Variants in DPYD observed in about 807,000 individuals in gnomAD.
DPYD encodes the protein dihydropyrimidine dehydrogenase, also known as dihydropyrimidine dehydrogenase [NADP(+)].
A neutral mutation model predicts 116.2 loss-of-function variants in DPYD; 109 were observed. That is an observed-to-expected ratio of 0.94 (90% CI 0.80 to 1.10). The LOEUF is 1.10. DPYD is among the 50% of genes least tolerant of loss of function. The pLI is 0.00. For synonymous variants in DPYD, 440 were observed against 432.0 expected (o/e 1.02, Z -0.23); for missense variants, 1,302 against 1,254.5 (o/e 1.04, Z -0.57).
chr1:97,463,751 C>T lies in DPYD; in HGVS notation c.1741-13528G>A, dbSNP rs184439523. Among the ~76,000 whole-genome samples the T allele has an allele frequency of 2.7e-3, 404 of 152,234 alleles. 2 individuals carry two copies. The highest frequency in any genetic ancestry group is 4.8e-3 in the South Asian group (23 of 4,822). On this transcript the variant is annotated intron_variant, in intron 13 of 22. Transcript: ENST00000370192. ...TTGTTGGGAACTACAGGAAAGGTGA[C>T]TTTTGTTGTTTTAGCAAAGAGACTG... is the stretch of plus-strand genomic sequence containing the variant.
intron 19 of DPYD, among the ~76,000 whole-genome samples, chr1:97,206,689 A>G (rs1394924427): frequency 1.2e-5 from 1 of 85,604 alleles, no homozygotes; most frequent in African/African-American, 3.5e-5. Flanking sequence ...TATATATATA[A>G]TCTATATGCT....
chr1:97,106,444 G>C (rs1350041784), intron 20 of DPYD, among the ~76,000 whole-genome samples: 1 of 152,118 alleles, frequency 6.6e-6, no homozygotes, highest in Non-Finnish European at 1.5e-5. Context: ...TCCCCCAATT[G>C]GTTGATGGAC....
In DPYD at chr1:97,449,505, G is replaced by C. The variant is rs952994670; in HGVS notation, c.1905+554C>G. Among the ~76,000 whole-genome samples the C allele has an allele frequency of 1.4e-3, 209 of 152,012 alleles. 2 individuals carry two copies. Among genetic ancestry groups the C allele is most frequent in the Non-Finnish European group, 9.9e-4 (67 of 67,958 alleles). ...ATCACCCTAATCAGACTATTGAAGA[G>C]AAAATATTATCTATTATATTCAAGC... On this transcript the variant is annotated intron_variant, in intron 14 of 22. Transcript: ENST00000370192.
chr1:97,392,990 A>C (rs1672797900), intron 14 of DPYD, among the ~76,000 whole-genome samples: 1 of 152,012 alleles, frequency 6.6e-6, no homozygotes. Flanking sequence ...CCAGACCACT[A>C]AAATGTTATC....
intron 4 of DPYD, among the ~76,000 whole-genome samples, chr1:97,731,247 G>C (rs527381928): frequency 7.2e-5 from 11 of 151,940 alleles, no homozygotes; most frequent in Non-Finnish European, 1.6e-4. Context: ...ACAGACTGTT[G>C]TGATGCATAG....
intron 2 of DPYD, chr1:97,855,405 T>C (rs907594804): frequency 2.0e-5 from 3 of 152,170 alleles, no homozygotes; most frequent in African/African-American, 7.2e-5. Flanking sequence ...TTTGTCACTT[T>C]AGAAGAAAAA....
intron 3 of DPYD, among the ~76,000 whole-genome samples, chr1:97,804,638 C>G (rs143507942): frequency 6.6e-6 from 1 of 151,796 alleles, no homozygotes; most frequent in East Asian, 1.9e-4. Context: ...TGATACAGAA[C>G]TCTCTCCAGA....
intron 5 of DPYD, among the ~76,000 whole-genome samples, chr1:97,708,506 A>G (rs1375358011): frequency 6.6e-6 from 1 of 151,986 alleles, no homozygotes; most frequent in Admixed American, 6.6e-5. Flanking sequence ...CCAGTGATCT[A>G]TTGTCTATTA....
intron 19 of DPYD, among the ~76,000 whole-genome samples, chr1:97,233,052 C>T (rs1407552422): frequency 6.6e-6 from 1 of 152,118 alleles, no homozygotes; most frequent in Non-Finnish European, 1.5e-5. Context: ...TCCTTGGTGT[C>T]AGTCTGGCAG....
At chr1:97,098,433 A>G in intron 21 of DPYD, 56 bp downstream of exon 21, 1 of 1,572,870 alleles carries the variant, frequency 6.4e-7, no homozygotes, top group Non-Finnish European at 8.7e-7. Context: ...TTTTAACTAT[A>G]TTTGTATATT....
chr1:97,750,935 C>T (rs979213249), intron 3 of DPYD, among the ~76,000 whole-genome samples: 1 of 151,930 alleles, frequency 6.6e-6, no homozygotes, highest in African/African-American at 2.4e-5. Context: ...TATTTGGTGG[C>T]TCATAAAGCT....
chr1:97,363,252 A>T (rs569072001), intron 16 of DPYD, among the ~76,000 whole-genome samples: 2 of 152,324 alleles, frequency 1.3e-5, no homozygotes, highest in South Asian at 4.1e-4. Context: ...CCACAATAAC[A>T]TACCATCTCA....
At chr1:97,092,777 A>T (rs1002123847) in intron 21 of DPYD, among the ~76,000 whole-genome samples, 2 of 152,028 alleles carry the variant, frequency 1.3e-5, no homozygotes, top group Non-Finnish European at 2.9e-5. Flanking sequence ...CAAAACCTTA[A>T]CTCATTATCT....
intron 8 of DPYD, among the ~76,000 whole-genome samples, chr1:97,603,228 CT>C (rs1281470019): frequency 6.6e-6 from 1 of 151,892 alleles, no homozygotes; most frequent in East Asian, 1.9e-4. Flanking sequence ...CTGTTTAGGA[CT>C]GTGTAAGTAC....
chr1:97,861,348 G>C (rs1046638141), intron 2 of DPYD, among the ~76,000 whole-genome samples: 1 of 151,452 alleles, frequency 6.6e-6, no homozygotes, highest in African/African-American at 2.4e-5. Context: ...CAAAAGTAGT[G>C]GGAAAATGTC....
intron 20 of DPYD, among the ~76,000 whole-genome samples, chr1:97,150,465 T>C (rs2101716928): frequency 6.6e-6 from 1 of 152,280 alleles, no homozygotes; most frequent in African/African-American, 2.4e-5. Flanking sequence ...CAAGAACATT[T>C]TTCTCACTAT....
intron 20 of DPYD, among the ~76,000 whole-genome samples, chr1:97,121,853 T>A (rs1386756174): frequency 6.6e-6 from 1 of 152,144 alleles, no homozygotes; most frequent in Non-Finnish European, 1.5e-5. Flanking sequence ...AGCAAAGTAA[T>A]TCAATGAGGG....
intron 8 of DPYD, among the ~76,000 whole-genome samples, chr1:97,635,215 T>C (rs1657493557): frequency 6.6e-6 from 1 of 152,034 alleles, no homozygotes; most frequent in Non-Finnish European, 1.5e-5. Flanking sequence ...AGGAATTATG[T>C]AGGGACCGAT....
At chr1:97,820,647 T>C (rs1182022843) in intron 3 of DPYD, among the ~76,000 whole-genome samples, 1 of 152,188 alleles carries the variant, frequency 6.6e-6, no homozygotes, top group African/African-American at 2.4e-5. Context: ...CATCACCATC[T>C]AGTGACAAAA....
Sources: gnomAD v4.1 joint callset for allele counts (sites outside exome capture counted in the v4.1 genomes callset) on GRCh38, gnomAD v4.1.1 for gene constraint, MANE v1.5 for transcripts, NCBI Gene and HGNC (gene_info 2026-07-23, HGNC 2026-07-21) for gene names.